DLG2: variants seen among roughly 807,000 people sequenced by gnomAD.
DLG2 encodes discs large MAGUK scaffold protein 2.
DLG2 carries 45 observed loss-of-function variants against 132.5 expected under a neutral mutation model. The observed-to-expected ratio is 0.34, with a 90% CI of 0.27 to 0.44. The LOEUF is 0.44. DLG2 is among the 20% of genes least tolerant of loss of function. The pLI, the probability that DLG2 is intolerant of heterozygous loss-of-function variation, is 1.00. For synonymous variants in DLG2, 424 were observed against 419.6 expected, an observed-to-expected ratio of 1.01 and a Z score of -0.13; for missense variants, 1,045 against 1,196.9, an observed-to-expected ratio of 0.87 and a Z score of 1.87.
intron 18 of DLG2, among the ~76,000 whole-genome samples, chr11:83,722,894 C>T (rs947598011): frequency 6.6e-6 from 1 of 152,126 alleles, no homozygotes; most frequent in African/African-American, 2.4e-5. Flanking sequence ...TATGAGCTGG[C>T]AATGATTTTT....
At chr11:83,727,768 GA>G (rs1362265062) in intron 18 of DLG2, among the ~76,000 whole-genome samples, 3 of 152,128 alleles carry the variant, frequency 2.0e-5, no homozygotes, top group African/African-American at 7.2e-5. Flanking sequence ...TCCAACCTCC[GA>G]AAAATCCACT....
At chr11:84,773,428 C>T (rs1446505343) in intron 6 of DLG2, among the ~76,000 whole-genome samples, 1 of 152,088 alleles carries the variant, frequency 6.6e-6, no homozygotes, top group Admixed American at 6.6e-5. Context: ...TCTATGAGGC[C>T]AGCATCATCC....
chr11:85,206,303 A>G (rs1235674301), intron 4 of DLG2, among the ~76,000 whole-genome samples: 5 of 152,146 alleles, frequency 3.3e-5, no homozygotes, highest in South Asian at 2.1e-4. Context: ...TAAATTACTC[A>G]GTCTCAGGTA....
At chr11:85,268,226 T>C (rs1165947994) in intron 4 of DLG2, among the ~76,000 whole-genome samples, 1 of 152,162 alleles carries the variant, frequency 6.6e-6, no homozygotes, top group African/African-American at 2.4e-5. Flanking sequence ...CTACCTACCA[T>C]TCTATTTAAA....
At chr11:84,150,646 C>A (rs146464402) in intron 9 of DLG2, among the ~76,000 whole-genome samples, 179 of 152,188 alleles carry the variant, frequency 1.2e-3, no homozygotes, top group Non-Finnish European at 2.1e-3. Flanking sequence ...ACTTCAAGTA[C>A]CATGTTGTAA....
chr11:85,187,169 CA>C (rs922256182), intron 4 of DLG2, among the ~76,000 whole-genome samples: 4 of 151,986 alleles, frequency 2.6e-5, no homozygotes, highest in Admixed American at 2.0e-4. Context: ...AACACTGGCC[CA>C]GGGGGGAAAT....
chr11:83,928,623 G>C (rs926472040), intron 15 of DLG2, among the ~76,000 whole-genome samples: 2 of 152,080 alleles, frequency 1.3e-5, no homozygotes, highest in Non-Finnish European at 2.9e-5. Flanking sequence ...GAGCAAAAAT[G>C]GCTAATGGTC....
intron 3 of DLG2, among the ~76,000 whole-genome samples, chr11:85,480,541 A>T (rs1285132206): frequency 6.6e-6 from 1 of 152,246 alleles, no homozygotes; most frequent in Non-Finnish European, 1.5e-5. Flanking sequence ...AAAATATGCA[A>T]AATAAAACAT....
At chr11:84,655,691 C>T (rs2099687293) in intron 6 of DLG2, among the ~76,000 whole-genome samples, 2 of 151,140 alleles carry the variant, frequency 1.3e-5, no homozygotes, top group Non-Finnish European at 2.9e-5. Context: ...CCTCTTTATC[C>T]TCATCTGTAA....
intron 7 of DLG2, among the ~76,000 whole-genome samples, chr11:84,403,667 T>C (rs2098838595): frequency 6.6e-6 from 1 of 152,214 alleles, no homozygotes; most frequent in Non-Finnish European, 1.5e-5. Context: ...AAAATTCACA[T>C]AGTTAAATGT....
intron 3 of DLG2, among the ~76,000 whole-genome samples, chr11:85,532,745 T>C (rs1337525186): frequency 6.6e-6 from 1 of 152,210 alleles, no homozygotes; most frequent in African/African-American, 2.4e-5. Context: ...TTCTCTTATA[T>C]ACTAATGATC....
chr11:84,728,761 T>A lies in DLG2; in HGVS notation c.358-194030A>T, dbSNP rs544909836. 5.6e-4 allele frequency among the ~76,000 whole-genome samples: 86 copies of A among 152,334 alleles called. 3 individuals are homozygous for A. Among genetic ancestry groups the A allele is most frequent in the African/African-American group, 1.8e-3 (76 of 41,578 alleles). On this transcript the variant is annotated intron_variant, in intron 6 of 27. Coordinates refer to ENST00000376104, the MANE Select transcript of DLG2 (RefSeq NM_001142699.3). ...GTTAGGCTATTAAGTACTGCCTCAA[T>A]TTCAGAACTTGTTATTGGTTTATTC... is the stretch of plus-strand genomic sequence containing the variant.
chr11:85,482,531 T>C lies in DLG2; in HGVS notation c.40+116126A>G, dbSNP rs77287700. Among the ~76,000 whole-genome samples, 1,424 of 152,256 alleles carry C rather than the reference T, an allele frequency of 9.4e-3. 19 individuals are homozygous for C. The highest frequency in any genetic ancestry group is 0.031 in the African/African-American group (1,271 of 41,550). ...TGTACCTACTACTCAATCTGGTTCC[T>C]TGTCCCAAGACCCAGGCTAGGCTTT... On this transcript the variant is annotated intron_variant, in intron 3 of 27. Transcript: ENST00000376104.
chr11:84,249,955 G>A (rs1219160802), intron 8 of DLG2, among the ~76,000 whole-genome samples: 5 of 152,096 alleles, frequency 3.3e-5, no homozygotes, highest in Admixed American at 6.6e-5. Flanking sequence ...TCCCAACCTT[G>A]TACTCCAGTT....
chr11:85,366,724 T>C (rs1224120858), intron 3 of DLG2, among the ~76,000 whole-genome samples: 1 of 152,086 alleles, frequency 6.6e-6, no homozygotes, highest in Non-Finnish European at 1.5e-5. Flanking sequence ...AAAGTATACA[T>C]TTTGATGTAT....
intron 9 of DLG2, among the ~76,000 whole-genome samples, chr11:84,138,940 C>T (rs1367144012): frequency 2.7e-5 from 3 of 112,334 alleles, no homozygotes; most frequent in African/African-American, 1.0e-4. Flanking sequence ...CAGAGTAAGA[C>T]TCCATCTCAA....
chr11:85,432,163 T>C (rs749843995), intron 3 of DLG2, among the ~76,000 whole-genome samples: 8 of 152,138 alleles, frequency 5.3e-5, no homozygotes, highest in Non-Finnish European at 1.0e-4. Flanking sequence ...AAAAATCTCA[T>C]GCAAGGATCA....
chr11:84,833,199 T>G (rs1416706249), intron 6 of DLG2, among the ~76,000 whole-genome samples: 1 of 151,334 alleles, frequency 6.6e-6, no homozygotes, highest in Non-Finnish European at 1.5e-5. Flanking sequence ...TGCCACAGAG[T>G]GCCCTCTGCC....
chr11:84,874,166 C>A (rs914318370), intron 6 of DLG2, among the ~76,000 whole-genome samples: 3 of 152,176 alleles, frequency 2.0e-5, no homozygotes, highest in African/African-American at 7.2e-5. Flanking sequence ...TGGGGCATAA[C>A]ACACATGAGG....
Sources: gnomAD v4.1 joint callset for allele counts (sites outside exome capture counted in the v4.1 genomes callset) on GRCh38, gnomAD v4.1.1 for gene constraint, MANE v1.5 for transcripts, NCBI Gene and HGNC (gene_info 2026-07-23, HGNC 2026-07-21) for gene names.